The following FMN1 variants were observed in gnomAD, a reference collection of about 807,000 sequenced individuals.
FMN1 encodes formin 1, also known as formin-1.
Under a neutral mutation model 132.4 loss-of-function variants are expected in FMN1, and 110 were observed. The ratio of observed to expected loss-of-function variants is 0.83; its 90% confidence interval spans 0.71 to 0.97. The LOEUF (loss-of-function observed/expected upper bound fraction) is 0.97, where lower values mean the gene tolerates loss of function less well. FMN1 is among the 50% of genes least tolerant of loss of function. The probability of loss-of-function intolerance (pLI) is 0.00; values close to 1 mark genes in which losing one functional copy is unlikely to be tolerated. For synonymous variants in FMN1, 722 were observed against 651.7 expected (o/e 1.11, Z -1.64); for missense variants, 1,792 against 1,705.3 (o/e 1.05, Z -0.90).
intron 16 of FMN1, among the ~76,000 whole-genome samples, chr15:32,864,703 C>T: frequency 6.6e-6 from 1 of 152,172 alleles, no homozygotes; most frequent in East Asian, 1.9e-4. Context: ...TAGCTACATA[C>T]ATGGACTTAG....
At chr15:33,167,951 G>C (rs1296086296) in intron 3 of FMN1, among the ~76,000 whole-genome samples, 2 of 152,126 alleles carry the variant, frequency 1.3e-5, no homozygotes, top group African/African-American at 4.8e-5. Flanking sequence ...GGAGGGAGGA[G>C]AGACAGGCAC....
intron 4 of FMN1, among the ~76,000 whole-genome samples, chr15:33,125,016 C>T (rs1962917194): frequency 6.6e-6 from 1 of 152,044 alleles, no homozygotes; most frequent in South Asian, 2.1e-4. Context: ...AATCCCTTCT[C>T]GCATCCATGT....
At chr15:33,152,477 T>A (rs1004333045) in intron 4 of FMN1, among the ~76,000 whole-genome samples, 1 of 152,148 alleles carries the variant, frequency 6.6e-6, no homozygotes, top group Non-Finnish European at 1.5e-5. Context: ...TTAGACTGAA[T>A]TCCTTCCTGT....
chr15:32,821,290 C>T (rs937323651), intron 17 of FMN1, among the ~76,000 whole-genome samples: 1 of 151,794 alleles, frequency 6.6e-6, no homozygotes, highest in African/African-American at 2.4e-5. Flanking sequence ...GATTAATCCT[C>T]ATATTTATTT....
intron 9 of FMN1, among the ~76,000 whole-genome samples, chr15:32,942,824 T>G (rs1242268838): frequency 6.6e-6 from 1 of 152,216 alleles, no homozygotes; most frequent in East Asian, 1.9e-4. Context: ...CTATCACCAA[T>G]GAATAGCTGC....
chr15:32,905,391 C>T (rs1238309229), intron 12 of FMN1, among the ~76,000 whole-genome samples: 1 of 152,174 alleles, frequency 6.6e-6, no homozygotes, highest in Admixed American at 6.5e-5. Flanking sequence ...TGTGTGGGGG[C>T]CCCAAGGCAG....
chr15:33,022,400 T>C (rs947260753), intron 6 of FMN1, among the ~76,000 whole-genome samples: 1 of 152,138 alleles, frequency 6.6e-6, no homozygotes, highest in East Asian at 1.9e-4. Context: ...ACAACCACTT[T>C]TCCTTGATTT....
Position 32,899,131 on chromosome 15 carries a change from T to C in FMN1, c.3655-238A>G, listed in dbSNP as rs1450035200. The stretch of plus-strand genomic sequence containing the variant: ...AAACAAACAGATAATCCATAAAACT[T>C]CTGAAATAATGGCTAAAACAAACAA... On this transcript the variant is annotated intron_variant, in intron 14 of 20. Transcript: ENST00000616417. Among the ~76,000 whole-genome samples the C allele has an allele frequency of 2.8e-5, 4 of 144,226 alleles. No individual in the cohort carries two copies. The East Asian group carries it at 7.8e-4, about 28-fold the overall frequency. 94.6% of individuals were successfully genotyped at this position (144,226 alleles called of 152,430 possible).
intron 4 of FMN1, chr15:33,150,387 G>A: frequency 2.0e-6 from 2 of 985,444 alleles, no homozygotes; most frequent in Non-Finnish European, 2.4e-6. Context: ...GGTTGGTGGT[G>A]GGAGGAGGCA....
chr15:32,965,135 C>T (rs2031075870), intron 8 of FMN1, among the ~76,000 whole-genome samples: 1 of 152,182 alleles, frequency 6.6e-6, no homozygotes, highest in Admixed American at 6.5e-5. Context: ...TGGTAGCTCA[C>T]ACCTGTAATC....
At chr15:32,865,697 G>A (rs577811129) in intron 16 of FMN1, among the ~76,000 whole-genome samples, 2 of 151,916 alleles carry the variant, frequency 1.3e-5, no homozygotes, top group South Asian at 2.1e-4. Flanking sequence ...TTAGCCAGGC[G>A]TGGTGGCGCA....
intron 17 of FMN1, among the ~76,000 whole-genome samples, chr15:32,839,822 C>G (rs2058706781): frequency 6.6e-6 from 1 of 150,662 alleles, no homozygotes; most frequent in Non-Finnish European, 1.5e-5. Flanking sequence ...ATGGCAGCAA[C>G]TTAGTCATGA....
intron 9 of FMN1, among the ~76,000 whole-genome samples, chr15:32,931,881 T>C (rs914083503): frequency 5.3e-5 from 8 of 152,216 alleles, no homozygotes; most frequent in African/African-American, 1.7e-4. Flanking sequence ...GAATATTTCC[T>C]TCTTTAGGTA....
At chr15:32,946,010 T>C (rs1210039721) in intron 9 of FMN1, among the ~76,000 whole-genome samples, 7 of 152,214 alleles carry the variant, frequency 4.6e-5, no homozygotes. Flanking sequence ...GATATGTAAG[T>C]GCCATATTGC....
At chr15:33,033,390 C>T (rs907918251) in intron 6 of FMN1, among the ~76,000 whole-genome samples, 1 of 152,156 alleles carries the variant, frequency 6.6e-6, no homozygotes, top group African/African-American at 2.4e-5. Context: ...GAAGAACTTG[C>T]ACATCCTCCC....
intron 8 of FMN1, among the ~76,000 whole-genome samples, chr15:32,967,083 C>G (rs1459057461): frequency 6.6e-6 from 1 of 152,246 alleles, no homozygotes; most frequent in Non-Finnish European, 1.5e-5. Flanking sequence ...TCCTATTCAT[C>G]TACTTTTCAT....
chr15:32,981,473 G>A (rs908825311), intron 7 of FMN1, among the ~76,000 whole-genome samples: 13 of 150,278 alleles, frequency 8.7e-5, no homozygotes, highest in South Asian at 2.1e-4. Flanking sequence ...AGCCGAGATC[G>A]CGCCACTGCA....
At chr15:32,950,022 T>TATATACACAC (rs1555503209) in intron 9 of FMN1, among the ~76,000 whole-genome samples, 1 of 3,364 alleles carries the variant, frequency 3.0e-4, no homozygotes, top group African/African-American at 5.4e-4. Context: ...TATACACATA[T>TATATACACAC]ATATATATAT....
chr15:32,794,675 A>G (rs888161933), intron 19 of FMN1, among the ~76,000 whole-genome samples: 1 of 152,240 alleles, frequency 6.6e-6, no homozygotes, highest in African/African-American at 2.4e-5. Context: ...TGGATAATCT[A>G]TTGATTTAAC....
Sources: allele counts gnomAD v4.1 joint callset (sites outside exome capture counted in the v4.1 genomes callset), GRCh38; gene constraint gnomAD v4.1.1; transcripts MANE v1.5; gene names NCBI Gene and HGNC (gene_info 2026-07-23, HGNC 2026-07-21).